Variants in CNTN4 observed in about 807,000 individuals in gnomAD.
CNTN4 encodes the protein contactin-4.
In CNTN4, 77 loss-of-function variants were observed where a neutral mutation model predicts 122.5. That is an observed-to-expected ratio of 0.63 (90% CI 0.52 to 0.76). The LOEUF (loss-of-function observed/expected upper bound fraction) is 0.76, where lower values mean the gene tolerates loss of function less well. Among genes scored for constraint, CNTN4 ranks in the 30% least tolerant of loss-of-function variants. The pLI, the probability that CNTN4 is intolerant of heterozygous loss-of-function variation, is 0.00. For missense variants in CNTN4, 1,256 were observed against 1,259.1 expected (o/e 1.00, Z 0.04); for synonymous variants, 512 against 447.0 (o/e 1.15, Z -1.83).
chr3:2,242,623 T>C (rs1387792594), intron 2 of CNTN4, among the ~76,000 whole-genome samples: 1 of 152,076 alleles, frequency 6.6e-6, no homozygotes, highest in Non-Finnish European at 1.5e-5. Context: ...AGTAAGAAAA[T>C]TGTCCTTGAA....
chr3:2,899,044 C>A (rs936838952), intron 10 of CNTN4, among the ~76,000 whole-genome samples: 3 of 152,162 alleles, frequency 2.0e-5, no homozygotes, highest in Non-Finnish European at 4.4e-5. Context: ...ACCCTTTTGG[C>A]CTCCCCTCAT....
Position 3,050,763 on chromosome 3 carries a change from C to CAAAAAAAAAAAAAAAAA in CNTN4, c.2812-3040_2812-3024dup, listed in dbSNP as rs1184756504. 2.4e-5 allele frequency among the ~76,000 whole-genome samples: 2 copies of CAAAAAAAAAAAAAAAAA among 85,038 alleles called. 1 individual carries two copies. Among genetic ancestry groups the CAAAAAAAAAAAAAAAAA allele is most frequent in the African/African-American group, 1.1e-4 (2 of 18,146 alleles). 55.8% of individuals were successfully genotyped at this position (85,038 alleles called of 152,430 possible). ...GGGCAATAAGAGTGAAACTCCGTCT[C>CAAAAAAAAAAAAAAAAA]AAAAAAAAAAAAAAAAAAAATCCAG... is the stretch of plus-strand genomic sequence containing the variant. On this transcript the variant is annotated intron_variant, in intron 23 of 24. Coordinates refer to ENST00000418658, the MANE Select transcript of CNTN4 (RefSeq NM_175607.3).
At chr3:2,786,115 T>A (rs2091815098) in intron 6 of CNTN4, among the ~76,000 whole-genome samples, 1 of 151,972 alleles carries the variant, frequency 6.6e-6, no homozygotes, top group Admixed American at 6.5e-5. Flanking sequence ...TCCATCCCCT[T>A]TCCAGCCCCC....
intron 23 of CNTN4, among the ~76,000 whole-genome samples, chr3:3,046,884 T>C (rs1162444653): frequency 7.2e-6 from 1 of 138,054 alleles, no homozygotes; most frequent in Non-Finnish European, 1.6e-5. Flanking sequence ...GAAACCTGTC[T>C]CACGTGCAGG....
intron 4 of CNTN4, among the ~76,000 whole-genome samples, chr3:2,577,285 G>A (rs1010619279): frequency 1.3e-5 from 2 of 152,162 alleles, no homozygotes; most frequent in African/African-American, 4.8e-5. Flanking sequence ...AAGAAAGCAG[G>A]TGGGAAAAAA....
chr3:2,226,360 A>T (rs1427739923), intron 2 of CNTN4, among the ~76,000 whole-genome samples: 2 of 152,122 alleles, frequency 1.3e-5, no homozygotes, highest in Admixed American at 1.3e-4. Context: ...AGGAATTGTG[A>T]GTTTGGAAAC....
At chr3:2,729,864 A>C (rs1442208747) in intron 4 of CNTN4, among the ~76,000 whole-genome samples, 1 of 152,194 alleles carries the variant, frequency 6.6e-6, no homozygotes, top group Non-Finnish European at 1.5e-5. Flanking sequence ...CAGTGAGCAG[A>C]GATCAAGCCA....
At chr3:2,818,281 A>C (rs1237937233) in intron 6 of CNTN4, among the ~76,000 whole-genome samples, 1 of 152,236 alleles carries the variant, frequency 6.6e-6, no homozygotes, top group Non-Finnish European at 1.5e-5. Flanking sequence ...AGACATGTCT[A>C]TATGTAACTT....
chr3:3,008,988 A>T (rs1696916887), intron 14 of CNTN4: 1 of 985,310 alleles, frequency 1.0e-6, no homozygotes, highest in East Asian at 1.1e-4. Flanking sequence ...TTACAGAATC[A>T]CCAGCGTCTT....
chr3:2,656,757 T>C (rs529304502), intron 4 of CNTN4, among the ~76,000 whole-genome samples: 1 of 152,354 alleles, frequency 6.6e-6, no homozygotes, highest in Non-Finnish European at 1.5e-5. Flanking sequence ...CAGCAGCAAC[T>C]GGAACTTGGA....
intron 13 of CNTN4, among the ~76,000 whole-genome samples, chr3:2,970,868 AC>A (rs1692841259): frequency 6.6e-6 from 1 of 151,582 alleles, no homozygotes; most frequent in Non-Finnish European, 1.5e-5. Flanking sequence ...GCTCACTGCA[AC>A]CTCCGCCTCC....
chr3:3,014,492 A>G (rs1697553363), intron 14 of CNTN4, among the ~76,000 whole-genome samples: 1 of 152,054 alleles, frequency 6.6e-6, no homozygotes, highest in Non-Finnish European at 1.5e-5. Flanking sequence ...TTTTAATATC[A>G]TAAAAACCAA....
At chr3:2,497,920 TCA>T (rs796796439) in intron 3 of CNTN4, among the ~76,000 whole-genome samples, 27 of 152,254 alleles carry the variant, frequency 1.8e-4, no homozygotes, top group African/African-American at 5.3e-4. Context: ...GTGAATCCTC[TCA>T]GTTATTTACT....
At chr3:2,273,173 T>G (rs2041369790) in intron 2 of CNTN4, among the ~76,000 whole-genome samples, 1 of 152,210 alleles carries the variant, frequency 6.6e-6, no homozygotes, top group Non-Finnish European at 1.5e-5. Flanking sequence ...AAAAATGCAG[T>G]AAGTAATTGT....
intron 2 of CNTN4, among the ~76,000 whole-genome samples, chr3:2,206,476 C>G (rs185683255): frequency 6.6e-6 from 1 of 151,904 alleles, no homozygotes; most frequent in Non-Finnish European, 1.5e-5. Flanking sequence ...TACTCCTTCA[C>G]CCTGAAATAA....
chr3:2,352,469 C>G (rs562733576), intron 3 of CNTN4, among the ~76,000 whole-genome samples: 3 of 152,194 alleles, frequency 2.0e-5, no homozygotes, highest in Non-Finnish European at 4.4e-5. Flanking sequence ...GCAGGCTCCA[C>G]GGGCCCCACA....
chr3:2,705,951 T>C (rs1448568573), intron 4 of CNTN4, among the ~76,000 whole-genome samples: 3 of 129,474 alleles, frequency 2.3e-5, no homozygotes, highest in Non-Finnish European at 4.7e-5. Flanking sequence ...AAATATATAA[T>C]ATATAAATAT....
At chr3:2,280,793 G>A (rs2041685840) in intron 2 of CNTN4, among the ~76,000 whole-genome samples, 1 of 152,096 alleles carries the variant, frequency 6.6e-6, no homozygotes, top group South Asian at 2.1e-4. Flanking sequence ...TGTTCCAAAA[G>A]CCTCAACACC....
rs73804996 is a variant in CNTN4 at position 2,288,573 on chromosome 3, C to T, written c.-144-50605C>T. On this transcript the variant is annotated intron_variant, in intron 2 of 24. Transcript: ENST00000418658. ...GAGGAGACAGACATCCAAACTATAGCAAGAGGAAGTTGCTATAAAAACAGA... is the reference window on the plus strand; with the variant it reads ...GAGGAGACAGACATCCAAACTATAGTAAGAGGAAGTTGCTATAAAAACAGA... Among the ~76,000 whole-genome samples, 793 of 152,044 alleles carry T rather than the reference C, an allele frequency of 5.2e-3. 10 individuals are homozygous for T. Among genetic ancestry groups the T allele is most frequent in the African/African-American group, 0.018 (740 of 41,470 alleles).
Sources: allele counts gnomAD v4.1 joint callset (sites outside exome capture counted in the v4.1 genomes callset), GRCh38; gene constraint gnomAD v4.1.1; transcripts MANE v1.5; gene names NCBI Gene and HGNC (gene_info 2026-07-23, HGNC 2026-07-21).